Variants in SPOCK1 observed in about 807,000 individuals in gnomAD.
SPOCK1 encodes testican-1.
A neutral mutation model predicts 55.3 loss-of-function variants in SPOCK1; 23 were observed. The observed-to-expected ratio is 0.42, with a 90% CI of 0.30 to 0.59. SPOCK1 has a LOEUF of 0.59. Ranked by LOEUF, SPOCK1 falls within the 20% of genes least tolerant of loss-of-function variation. The pLI is 0.22. For synonymous variants in SPOCK1, 226 were observed against 221.0 expected (o/e 1.02, Z -0.20); for missense variants, 499 against 552.5 (o/e 0.90, Z 0.97).
rs770827048 is a variant in SPOCK1 at position 137,235,735 on chromosome 5, C to T, written c.232+31275G>A. Among the ~76,000 whole-genome samples the T allele has an allele frequency of 4.3e-4, 66 of 152,312 alleles. 1 individual carries two copies. The highest frequency in any genetic ancestry group is 7.2e-4 in the Admixed American group (11 of 15,310). On this transcript the variant is annotated intron_variant, in intron 3 of 10. Coordinates refer to ENST00000394945, the MANE Select transcript of SPOCK1 (RefSeq NM_004598.4). Reference sequence around the variant, plus strand: ...GAACTACAAAGAGTGTGTGTTTATACATAAGAGTAGTACAGATATGACCAC... The same window carrying T: ...GAACTACAAAGAGTGTGTGTTTATATATAAGAGTAGTACAGATATGACCAC...
At chr5:137,194,160 A>C (rs1755249143) in intron 3 of SPOCK1, among the ~76,000 whole-genome samples, 2 of 152,242 alleles carry the variant, frequency 1.3e-5, no homozygotes, top group South Asian at 4.1e-4. Flanking sequence ...TGCTGGCAGA[A>C]GGCAGGGAGA....
intron 3 of SPOCK1, among the ~76,000 whole-genome samples, chr5:137,161,506 A>G (rs912734238): frequency 4.6e-5 from 7 of 152,164 alleles, no homozygotes; most frequent in Non-Finnish European, 7.4e-5. Context: ...TGCTTAGGCT[A>G]TAAAATCATC....
chr5:137,428,250 T>TGAGAGG (rs1477325672), intron 2 of SPOCK1, among the ~76,000 whole-genome samples: 1 of 152,216 alleles, frequency 6.6e-6, no homozygotes, highest in Admixed American at 6.5e-5. Context: ...GAGGGTAGAC[T>TGAGAGG]GTATCCTTTA....
chr5:137,400,448 G>A (rs770958890), intron 2 of SPOCK1, among the ~76,000 whole-genome samples: 1 of 152,162 alleles, frequency 6.6e-6, no homozygotes, highest in Non-Finnish European at 1.5e-5. Flanking sequence ...AGGAGACTAC[G>A]TAGAGTCTCT....
chr5:137,003,951 G>C (rs1206804014), intron 6 of SPOCK1, among the ~76,000 whole-genome samples: 3 of 152,120 alleles, frequency 2.0e-5, no homozygotes, highest in Middle Eastern at 3.2e-3. Flanking sequence ...TACATGGGGA[G>C]GATCAGGCAT....
chr5:137,173,043 C>T (rs1754782948), intron 3 of SPOCK1, among the ~76,000 whole-genome samples: 1 of 152,146 alleles, frequency 6.6e-6, no homozygotes, highest in South Asian at 2.1e-4. Flanking sequence ...TTTCTTCTTG[C>T]CCCCAATCTC....
intron 3 of SPOCK1, among the ~76,000 whole-genome samples, chr5:137,147,735 T>G (rs1754225866): frequency 6.6e-6 from 1 of 152,156 alleles, no homozygotes. Context: ...AGCTTCAACG[T>G]GGGAATTTGA....
chr5:137,049,027 C>T (rs1244703737), intron 6 of SPOCK1, among the ~76,000 whole-genome samples: 4 of 139,588 alleles, frequency 2.9e-5, no homozygotes, highest in Non-Finnish European at 6.2e-5. Flanking sequence ...GTCTGATGGG[C>T]TTTCCTTTGA....
At chr5:137,470,580 G>C (rs1325003330) in intron 2 of SPOCK1, among the ~76,000 whole-genome samples, 1 of 152,152 alleles carries the variant, frequency 6.6e-6, no homozygotes, top group Non-Finnish European at 1.5e-5. Flanking sequence ...CCCTGAAGTG[G>C]TCAACCATCT....
chr5:137,434,711 CA>C (rs1752823023), intron 2 of SPOCK1, among the ~76,000 whole-genome samples: 1 of 151,678 alleles, frequency 6.6e-6, no homozygotes, highest in African/African-American at 2.4e-5. Flanking sequence ...CCGTGTTACC[CA>C]GGATGGTCTC....
At chr5:137,193,521 G>A (rs981333039) in intron 3 of SPOCK1, among the ~76,000 whole-genome samples, 2 of 152,166 alleles carry the variant, frequency 1.3e-5, no homozygotes, top group African/African-American at 4.8e-5. Flanking sequence ...CCATTCTCTA[G>A]CAAATTAAGT....
intron 2 of SPOCK1, among the ~76,000 whole-genome samples, chr5:137,285,062 C>T (rs1757236678): frequency 6.6e-6 from 1 of 152,196 alleles, no homozygotes; most frequent in East Asian, 1.9e-4. Flanking sequence ...ATGTGAATTG[C>T]CCCAGACTAA....
intron 3 of SPOCK1, among the ~76,000 whole-genome samples, chr5:137,233,190 T>C (rs1366341736): frequency 6.6e-6 from 1 of 152,194 alleles, no homozygotes. Context: ...TCAAGTACAT[T>C]ATATTTATTG....
At chr5:137,025,486 A>C (rs528245017) in intron 6 of SPOCK1, among the ~76,000 whole-genome samples, 2 of 152,316 alleles carry the variant, frequency 1.3e-5, no homozygotes, top group South Asian at 4.1e-4. Context: ...CAGATATTTC[A>C]TGAGCATCCA....
chr5:137,336,513 T>C (rs1257534305), intron 2 of SPOCK1, among the ~76,000 whole-genome samples: 2 of 152,168 alleles, frequency 1.3e-5, no homozygotes, highest in Non-Finnish European at 2.9e-5. Context: ...CCAATGTACC[T>C]GGTAAAGCAG....
At chr5:137,497,723 A>C (rs1302273117) in intron 2 of SPOCK1, among the ~76,000 whole-genome samples, 1 of 152,164 alleles carries the variant, frequency 6.6e-6, no homozygotes, top group Non-Finnish European at 1.5e-5. Context: ...TCTGCCACCC[A>C]GGGTCCCTTT....
chr5:137,210,598 C>T lies in SPOCK1; in HGVS notation c.232+56412G>A, dbSNP rs181478586. ...ACATTTGTAATACAGGTCAGATACACGGTCTGGGACTAGGGGGCATCTGGA... is the reference window on the plus strand; with the variant it reads ...ACATTTGTAATACAGGTCAGATACATGGTCTGGGACTAGGGGGCATCTGGA... On this transcript the variant is annotated intron_variant, in intron 3 of 10. Transcript: ENST00000394945. 1.2e-4 allele frequency among the ~76,000 whole-genome samples: 18 copies of T among 152,224 alleles called. No homozygotes were observed. In the East Asian group the frequency reaches 1.9e-3, roughly 16 times the overall value.
At chr5:137,042,716 G>A (rs1752023263) in intron 6 of SPOCK1, among the ~76,000 whole-genome samples, 1 of 152,104 alleles carries the variant, frequency 6.6e-6, no homozygotes, top group African/African-American at 2.4e-5. Flanking sequence ...GTTTCCTACT[G>A]TTGGAGTGGA....
chr5:136,989,617 A>G (rs1290730853), intron 7 of SPOCK1, among the ~76,000 whole-genome samples: 1 of 152,146 alleles, frequency 6.6e-6, no homozygotes, highest in Non-Finnish European at 1.5e-5. Flanking sequence ...GTACAGATGA[A>G]AAAATAAGGC....
Sources: allele counts gnomAD v4.1 joint callset (sites outside exome capture counted in the v4.1 genomes callset), GRCh38; gene constraint gnomAD v4.1.1; transcripts MANE v1.5; gene names NCBI Gene and HGNC (gene_info 2026-07-23, HGNC 2026-07-21).